GNAI2: variants seen among roughly 807,000 people sequenced by gnomAD.
GNAI2 encodes the protein guanine nucleotide-binding protein G(i) subunit alpha-2.
A neutral mutation model predicts 36.8 loss-of-function variants in GNAI2; 4 were observed. That is an observed-to-expected ratio of 0.11 (90% confidence interval 0.05 to 0.25). GNAI2 has a LOEUF of 0.25. Ranked by LOEUF, GNAI2 falls within the 10% of genes least tolerant of loss-of-function variation. The probability of loss-of-function intolerance (pLI) is 1.00; values close to 1 mark genes in which losing one functional copy is unlikely to be tolerated. For synonymous variants in GNAI2, 194 were observed against 194.1 expected, an observed-to-expected ratio of 1.00 and a Z score of 0.01; for missense variants, 230 against 481.3, an observed-to-expected ratio of 0.48 and a Z score of 4.89.
intron 1 of GNAI2, 101 bp from the exon 2 acceptor site, chr3:50,251,999 G>T: frequency 8.5e-7 from 1 of 1,182,050 alleles, no homozygotes; most frequent in South Asian, 1.3e-5. Flanking sequence ...CTGGTGGGAA[G>T]GTTAGTTCTG....
intron 1 of GNAI2, among the ~76,000 whole-genome samples, chr3:50,237,764 T>G (rs1575439348): frequency 7.6e-6 from 1 of 131,546 alleles, no homozygotes; most frequent in African/African-American, 2.8e-5. Flanking sequence ...GATTTGGGGG[T>G]TTTAGAGTTG....
exon 1 of GNAI2, chr3:50,230,921 C>T (rs1251849368): frequency 1.0e-6 from 1 of 985,178 alleles, no homozygotes; most frequent in Non-Finnish European, 1.2e-6. Flanking sequence ...CTGAGATGCC[C>T]ACGATGTACC....
chr3:50,251,732 C>G, intron 1 of GNAI2: 2 of 1,323,040 alleles, frequency 1.5e-6, no homozygotes, highest in Non-Finnish European at 2.0e-6. Flanking sequence ...TTGGCATGCA[C>G]CAGCTGCACA....
Position 50,258,637 on chromosome 3 carries a change from A to AG in GNAI2, c.*300dup. ...CATTGTCTTGTTCTGTGATGAGGGG[A>AG]GGGGGGCACATGCTGAGTCTCCCAA... On this transcript the variant is annotated 3_prime_UTR_variant, in exon 9 of 9. Coordinates refer to ENST00000313601, the MANE Select transcript of GNAI2 (RefSeq NM_002070.4). 6.2e-6 allele frequency: 2 copies of AG among 320,822 alleles called. No individual in the cohort carries two copies. The highest frequency in any genetic ancestry group is 2.6e-5 in the South Asian group (1 of 38,500). The allele number at this position is 320,822 out of a possible 1,614,324, so 19.9% of individuals were successfully genotyped here.
intron 4 of GNAI2, among the ~76,000 whole-genome samples, chr3:50,254,290 A>G (rs1254269777): frequency 6.6e-6 from 1 of 152,130 alleles, no homozygotes; most frequent in African/African-American, 2.4e-5. Flanking sequence ...CAGGCTTTGG[A>G]TGGTGTCACC....
At chr3:50,245,892 A>C (rs991465203) in intron 1 of GNAI2, among the ~76,000 whole-genome samples, 3 of 152,250 alleles carry the variant, frequency 2.0e-5, no homozygotes. Flanking sequence ...CCCTTTGGGC[A>C]CTGTGAACCC....
chr3:50,230,117 G>T (rs1473885151), upstream of GNAI2: 1 of 152,432 alleles, frequency 6.6e-6, no homozygotes, highest in African/African-American at 2.4e-5. Flanking sequence ...TTGGGATCCA[G>T]GACCCCCAGG....
At chr3:50,246,481 G>A (rs1161775201) in intron 1 of GNAI2, among the ~76,000 whole-genome samples, 1 of 152,244 alleles carries the variant, frequency 6.6e-6, no homozygotes, top group Non-Finnish European at 1.5e-5. Context: ...AAGAGAAGGA[G>A]GTGGTGTCCG....
At position 50,236,554 on chromosome 3, in the gene GNAI2, C is replaced by G. The variant is rs1472491534; in HGVS notation, c.118+101C>G. ...AGGGCTTCAAACTCCCAGACCCGGG[C>G]TGTCTGGGACCCCACACCTGGGCCA... On this transcript the variant is annotated intron_variant, in intron 1 of 8. Transcript: ENST00000313601. The surrounding 1 kb of genome is among the most constrained non-coding windows in gnomAD (Gnocchi z 4.0). 7.0e-7 allele frequency: 1 copy of G among 1,437,636 alleles called. No homozygotes were observed. The highest frequency in any genetic ancestry group is 9.2e-7 in the Non-Finnish European group (1 of 1,092,174). The allele number at this position is 1,437,636 out of a possible 1,614,324, so 89.1% of individuals were successfully genotyped here. A position where few individuals can be genotyped will look rare whatever the true frequency, so the allele number is the denominator to read the frequency against.
chr3:50,235,214 T>C (rs1700137537), upstream of GNAI2: 2 of 139,812 alleles, frequency 1.4e-5, no homozygotes, highest in South Asian at 5.8e-4. Flanking sequence ...CCAGGATGGC[T>C]GCCTGCCGAA....
intron 1 of GNAI2, 172 bp from the exon 2 acceptor site, chr3:50,251,928 A>G (rs1700567437): frequency 6.8e-6 from 6 of 884,790 alleles, no homozygotes; most frequent in Non-Finnish European, 8.4e-6. Flanking sequence ...TGGCCCTGCC[A>G]GCTGCATTCC....
intron 1 of GNAI2, among the ~76,000 whole-genome samples, chr3:50,245,444 T>C (rs114872512): frequency 0.017 from 2,613 of 152,288 alleles, 32 homozygotes; most frequent in Middle Eastern, 0.027. Flanking sequence ...AAGGGGTACA[T>C]TTCATAGATG....
Position 50,252,547 on chromosome 3 carries a change from C to A in GNAI2, c.303+9C>A. ...CCGACCCCTCCAGAGCGGTATGTGCCCTCCGCCCCACCCTCTCCCACCTCC... is the reference window on the plus strand; with the variant it reads ...CCGACCCCTCCAGAGCGGTATGTGCACTCCGCCCCACCCTCTCCCACCTCC... On this transcript the variant is annotated intron_variant, in intron 3 of 8. Transcript: ENST00000313601. This position sits in a 1 kb window ranked among gnomAD's most constrained non-coding sequence, Gnocchi z 4.1. 1 of 1,609,780 alleles carries A rather than the reference C, an allele frequency of 6.2e-7. No individual in the cohort carries two copies. The highest frequency in any genetic ancestry group is 8.5e-7 in the Non-Finnish European group (1 of 1,177,404).
chr3:50,231,718 C>A (rs1011980221), upstream of GNAI2, among the ~76,000 whole-genome samples: 1 of 152,114 alleles, frequency 6.6e-6, no homozygotes, highest in Admixed American at 6.5e-5. Flanking sequence ...TCAGAGAAGC[C>A]CAGCTCACAG....
chr3:50,252,945 C>G lies in GNAI2; in HGVS notation c.304-79C>G. On this transcript the variant is annotated intron_variant, in intron 3 of 8. Transcript: ENST00000313601. This position sits in a 1 kb window ranked among gnomAD's most constrained non-coding sequence, Gnocchi z 4.1. The stretch of plus-strand genomic sequence containing the variant: ...ATCCAAGAATACCCTAGCCTGGGCC[C>G]CATTCCAGAGGTCTCCCTGCCTCTG... 8.5e-7 allele frequency: 1 copy of G among 1,172,492 alleles called. No individual in the cohort carries two copies. The highest frequency in any genetic ancestry group is 1.5e-5 in the African/African-American group (1 of 65,878). The allele number at this position is 1,172,492 out of a possible 1,614,324, so 72.6% of individuals were successfully genotyped here.
intron 5 of GNAI2, 50 bp from the exon 6 acceptor site, chr3:50,256,673 A>G: frequency 6.3e-7 from 1 of 1,598,804 alleles, no homozygotes; most frequent in Non-Finnish European, 8.6e-7. Flanking sequence ...ATGGGGTAGA[A>G]AGCCTCCCCC....
chr3:50,247,073 G>C, intron 1 of GNAI2: 1 of 781,656 alleles, frequency 1.3e-6, no homozygotes. Flanking sequence ...CAGGAAATGA[G>C]AGGTTTGGGG....
chr3:50,257,637 G>A lies in GNAI2; in HGVS notation c.1015G>A (p.Ala339Thr), dbSNP rs1463068079. The stretch of plus-strand genomic sequence containing the variant: ...CAAGAACGTGCAGTTCGTGTTTGAC[G>A]CCGTCACCGATGTCATCATCAAGAA... Reference protein sequence around the residue: ...DTKNVQFVFDAVTDVIIKNNL... With the variant: ...DTKNVQFVFDTVTDVIIKNNL... The change falls in exon 8 of 9, where the codon GCC (alanine) becomes ACC (threonine). Residue 339 changes from alanine (A) to threonine (T), a missense_variant. Around this residue, in one of 4 missense-constraint regions of GNAI2, gnomAD observed 17 missense variants for 48.5 expected, o/e 0.35. Coordinates refer to ENST00000313601, the MANE Select transcript of GNAI2 (RefSeq NM_002070.4). The A allele has an allele frequency of 3.7e-6, 6 of 1,606,692 alleles. No homozygotes were observed. The highest frequency in any genetic ancestry group is 4.3e-6 in the Non-Finnish European group (5 of 1,175,836).
chr3:50,246,755 C>A, intron 1 of GNAI2: 1 of 473,952 alleles, frequency 2.1e-6, no homozygotes, highest in Non-Finnish European at 3.6e-6. Flanking sequence ...GGGAGGTGTG[C>A]CTGGCTTTCT....
Sources: gnomAD v4.1 joint callset for allele counts (sites outside exome capture counted in the v4.1 genomes callset) on GRCh38, gnomAD v4.1.1 for gene constraint, gnomAD v4.1.1 regional missense constraint, Gnocchi (gnomAD v3.1) non-coding constraint, MANE v1.5 for transcripts, NCBI Gene and HGNC (gene_info 2026-07-23, HGNC 2026-07-21) for gene names.